The following DENND3 variants were observed in gnomAD, a reference collection of about 807,000 sequenced individuals.
DENND3 encodes the protein DENN domain-containing protein 3.
In DENND3, 88 loss-of-function variants were observed where a neutral mutation model predicts 135.1. The observed-to-expected ratio is 0.65, with a 90% CI of 0.55 to 0.78. The LOEUF (loss-of-function observed/expected upper bound fraction) is 0.78. Among genes scored for constraint, DENND3 ranks in the 30% least tolerant of loss-of-function variants. The probability of loss-of-function intolerance (pLI) is 0.00; values close to 1 mark genes in which losing one functional copy is unlikely to be tolerated. For missense variants in DENND3, 1,392 were observed against 1,688.4 expected, an observed-to-expected ratio of 0.82 and a Z score of 3.08; for synonymous variants, 693 against 712.3, an observed-to-expected ratio of 0.97 and a Z score of 0.43.
intron 6 of DENND3, 45 bp downstream of exon 6, chr8:141,150,998 T>C (rs2154612932): frequency 6.8e-7 from 1 of 1,479,166 alleles, no homozygotes; most frequent in East Asian, 2.5e-5. Flanking sequence ...CTCCCTGCCT[T>C]AGTGGGGCAT....
chr8:141,179,677 C>T lies in DENND3; in HGVS notation c.2837-1070C>T, dbSNP rs113194569. On this transcript the variant is annotated intron_variant, in intron 16 of 22. Coordinates refer to ENST00000519811, the MANE Select transcript of DENND3 (RefSeq NM_001352890.3). ...TTGGCCGCGGCCAGTTGGCTTTCACCGCAGCCCGGTGTAGCCCGCCAGCCT... is the reference window on the plus strand; with the variant it reads ...TTGGCCGCGGCCAGTTGGCTTTCACTGCAGCCCGGTGTAGCCCGCCAGCCT... Among the ~76,000 whole-genome samples, 309 of 152,378 alleles carry T rather than the reference C, an allele frequency of 2.0e-3. 1 individual carries two copies. Among genetic ancestry groups the T allele is most frequent in the African/African-American group, 6.6e-3 (274 of 41,596 alleles).
rs780898263 is a variant in DENND3, at chr8:141,150,980, G to A, written c.855+27G>A. 1.9e-5 allele frequency: 29 copies of A among 1,502,078 alleles called. No individual in the cohort carries two copies. In the East Asian group the frequency reaches 3.1e-4, roughly 16 times the overall value. The allele number at this position is 1,502,078 out of a possible 1,614,324, so 93.0% of individuals were successfully genotyped here. A position where few individuals can be genotyped will look rare whatever the true frequency, so the allele number is the denominator to read the frequency against. Reference sequence around the variant, plus strand: ...TACGCGGCCCCGCCCCGGCGAGCGCGTCTTGTGCTCCCTGCCTTAGTGGGG... The same window carrying A: ...TACGCGGCCCCGCCCCGGCGAGCGCATCTTGTGCTCCCTGCCTTAGTGGGG... On this transcript the variant is annotated intron_variant, in intron 6 of 22. Transcript: ENST00000519811.
rs1177587054 is a variant in DENND3, at chr8:141,174,779, A to G, written c.2276-421A>G. 6.6e-6 allele frequency among the ~76,000 whole-genome samples: 1 copy of G among 152,216 alleles called. No individual in the cohort carries two copies. Among genetic ancestry groups the G allele is most frequent in the Non-Finnish European group, 1.5e-5 (1 of 68,032 alleles). ...CTAAGGATCCAACCTTCCCGGCGTT[A>G]GCTTCATCCTAGGACTAGCTCCCCT... On this transcript the variant is annotated intron_variant, in intron 13 of 22. Coordinates refer to ENST00000519811, the MANE Select transcript of DENND3 (RefSeq NM_001352890.3). The surrounding 1 kb of genome is among the most constrained non-coding windows in gnomAD (Gnocchi z 4.6).
chr8:141,188,843 G>A, intron 18 of DENND3, 143 bp from the exon 19 acceptor site: 1 of 1,118,524 alleles, frequency 8.9e-7, no homozygotes, highest in Non-Finnish European at 1.2e-6. Flanking sequence ...AGGGCCAGAG[G>A]CTCCCAGGAC....
intron 17 of DENND3, among the ~76,000 whole-genome samples, chr8:141,181,408 G>A (rs1823080158): frequency 6.6e-6 from 1 of 152,242 alleles, no homozygotes; most frequent in African/African-American, 2.4e-5. Context: ...TGGTGATAAG[G>A]TGATGGCGCC....
In DENND3 at chr8:141,192,457, A is replaced by G. The variant is rs1246719055; in HGVS notation, c.3498+8A>G. The G allele has an allele frequency of 6.2e-7, 1 of 1,614,048 alleles. No individual in the cohort carries two copies. The highest frequency in any genetic ancestry group is 1.7e-5 in the Admixed American group (1 of 60,016). ...TTCCAGCTCCTTCCTGAGGTATCCCAGCAGGGGCTGTGGGCCCAGCATGTG... is the reference window on the plus strand; with the variant it reads ...TTCCAGCTCCTTCCTGAGGTATCCCGGCAGGGGCTGTGGGCCCAGCATGTG... On this transcript the variant is annotated splice_region_variant and intron_variant, in intron 21 of 22. Transcript: ENST00000519811.
At chr8:141,188,845 T>C in intron 18 of DENND3, 141 bp from the exon 19 acceptor site, 1 of 1,158,190 alleles carries the variant, frequency 8.6e-7, no homozygotes, top group South Asian at 1.6e-5. Flanking sequence ...GGCCAGAGGC[T>C]CCCAGGACCC....
In DENND3 at chr8:141,141,477, A is replaced by T; in HGVS notation, c.623+153A>T. On this transcript the variant is annotated intron_variant, in intron 4 of 22. Coordinates refer to ENST00000519811, the MANE Select transcript of DENND3 (RefSeq NM_001352890.3). The surrounding 1 kb of genome is among the most constrained non-coding windows in gnomAD (Gnocchi z 5.3). ...GGGACCGGGCGCTGGGGGCAGTAGG[A>T]GGGGCAGTTCTCTGTGCCTCTTAGG... 1 of 764,664 alleles carries T rather than the reference A, an allele frequency of 1.3e-6. No individual in the cohort carries two copies. The allele number at this position is 764,664 out of a possible 1,614,324, so 47.4% of individuals were successfully genotyped here. A position where few individuals can be genotyped will look rare whatever the true frequency, so the allele number is the denominator to read the frequency against.
chr8:141,188,919 G>A (rs1039939327), intron 18 of DENND3, 67 bp from the exon 19 acceptor site: 1 of 1,565,440 alleles, frequency 6.4e-7, no homozygotes, highest in Non-Finnish European at 8.7e-7. Flanking sequence ...TGCAGTAAAT[G>A]TATAGAATAT....
chr8:141,148,727 A>C (rs1818444694), intron 5 of DENND3, among the ~76,000 whole-genome samples: 1 of 151,416 alleles, frequency 6.6e-6, no homozygotes, highest in Non-Finnish European at 1.5e-5. Flanking sequence ...AGGCTGGTGG[A>C]GTGATTAGCA....
Position 141,151,824 on chromosome 8 carries a change from A to T in DENND3, c.1061A>T (p.Glu354Val). The T allele has an allele frequency of 6.2e-7, 1 of 1,614,156 alleles. No homozygotes were observed. Reference protein sequence around the residue: ...FLMGCHLDHFEEVSKEADGLV... With the variant: ...FLMGCHLDHFVEVSKEADGLV... ...ATGGGCTGCCATCTCGACCACTTCG[A>T]AGAAGTCAGCAAGGTTAGGTAGCGA... The change falls in exon 7 of 23, where the codon GAA (glutamate) becomes GTA (valine). Residue 354 changes from glutamate (E) to valine (V), a missense_variant. Physicochemically the swap from Glu to Val is moderately radical, Grantham distance 121 (BLOSUM62 -2). Transcript: ENST00000519811.
rs369583954 is a variant in DENND3, at chr8:141,141,159, G to A, written c.502-44G>A. 9.4e-5 allele frequency: 151 copies of A among 1,613,488 alleles called. No homozygotes were observed. The highest frequency in any genetic ancestry group is 1.2e-4 in the Non-Finnish European group (147 of 1,179,790). ...CCAGTTGGAAACAGATACTGGAATT[G>A]CCAAGGTGGGGAGGTGACCATGTCG... On this transcript the variant is annotated intron_variant, in intron 3 of 22. Coordinates refer to ENST00000519811, the MANE Select transcript of DENND3 (RefSeq NM_001352890.3). The surrounding 1 kb of genome is among the most constrained non-coding windows in gnomAD (Gnocchi z 5.3).
intron 7 of DENND3, among the ~76,000 whole-genome samples, chr8:141,153,440 G>C (rs894936024): frequency 6.6e-6 from 1 of 152,212 alleles, no homozygotes; most frequent in Non-Finnish European, 1.5e-5. Context: ...AGAACACAGC[G>C]TGTGTCATGC....
intron 17 of DENND3, among the ~76,000 whole-genome samples, chr8:141,183,422 T>A (rs568589684): frequency 6.2e-5 from 8 of 128,144 alleles, no homozygotes; most frequent in Non-Finnish European, 1.2e-4. Flanking sequence ...TTTTTGTATT[T>A]TTTTTTTTTT....
intron 19 of DENND3, 58 bp downstream of exon 19, chr8:141,189,204 A>T: frequency 6.2e-7 from 1 of 1,610,596 alleles, no homozygotes; most frequent in Non-Finnish European, 8.5e-7. Context: ...GGCAGAAGGC[A>T]CAGCGGGTAG....
intron 17 of DENND3, among the ~76,000 whole-genome samples, chr8:141,183,146 G>T (rs1263813913): frequency 2.0e-5 from 3 of 152,106 alleles, no homozygotes; most frequent in Non-Finnish European, 4.4e-5. Context: ...TAGGGTAGAA[G>T]AATATTTTCA....
intron 13 of DENND3, among the ~76,000 whole-genome samples, chr8:141,172,305 C>T (rs1821723368): frequency 6.6e-6 from 1 of 152,160 alleles, no homozygotes; most frequent in Non-Finnish European, 1.5e-5. Context: ...TGTTCTGCTG[C>T]AGTGCTGGTG....
chr8:141,171,371 G>C (rs957020075), intron 13 of DENND3, among the ~76,000 whole-genome samples: 11 of 152,238 alleles, frequency 7.2e-5, no homozygotes, highest in African/African-American at 2.7e-4. Context: ...TATGCTCCCT[G>C]TTGCAGCTGC....
intron 7 of DENND3, among the ~76,000 whole-genome samples, chr8:141,153,569 G>A (rs1411808112): frequency 6.6e-6 from 1 of 152,198 alleles, no homozygotes; most frequent in Non-Finnish European, 1.5e-5. Flanking sequence ...GTTGGGAAGG[G>A]CCCGTTGGCT....
Sources: gnomAD v4.1 joint callset for allele counts (sites outside exome capture counted in the v4.1 genomes callset) on GRCh38, gnomAD v4.1.1 for gene constraint, Gnocchi (gnomAD v3.1) non-coding constraint, MANE v1.5 for transcripts, NCBI Gene and HGNC (gene_info 2026-07-23, HGNC 2026-07-21) for gene names.